Variants in ARFGEF2 observed in about 807,000 individuals in gnomAD.
ARFGEF2 encodes the protein ARF guanine nucleotide exchange factor 2.
A neutral mutation model predicts 219.9 loss-of-function variants in ARFGEF2; 74 were observed. The ratio of observed to expected loss-of-function variants is 0.34; its 90% CI spans 0.28 to 0.41. The LOEUF (loss-of-function observed/expected upper bound fraction) is 0.41. Among genes scored for constraint, ARFGEF2 ranks in the 10% least tolerant of loss-of-function variants. ARFGEF2 has a pLI of 1.00. For synonymous variants in ARFGEF2, 733 were observed against 799.2 expected (o/e 0.92, Z 1.40); for missense variants, 1,743 against 2,218.3 (o/e 0.79, Z 4.30).
chr20:48,980,449 G>A (rs564101912), intron 14 of ARFGEF2, among the ~76,000 whole-genome samples: 1 of 152,344 alleles, frequency 6.6e-6, no homozygotes, highest in East Asian at 1.9e-4. Context: ...TGAGAAGAAT[G>A]TATATTCTGT....
chr20:48,963,302 A>G (rs1044041920), intron 6 of ARFGEF2, among the ~76,000 whole-genome samples: 4 of 152,172 alleles, frequency 2.6e-5, no homozygotes, highest in African/African-American at 9.7e-5. Flanking sequence ...TCTTCTACTT[A>G]AACAGTTAAC....
chr20:48,987,211 AC>A (rs780017262), intron 16 of ARFGEF2, among the ~76,000 whole-genome samples: 1 of 152,214 alleles, frequency 6.6e-6, no homozygotes, highest in Non-Finnish European at 1.5e-5. Flanking sequence ...TCCTATGTGG[AC>A]CTGGGAGCCT....
intron 1 of ARFGEF2, among the ~76,000 whole-genome samples, chr20:48,930,859 G>A (rs900403332): frequency 6.6e-6 from 1 of 152,202 alleles, no homozygotes; most frequent in African/African-American, 2.4e-5. Context: ...GAACCCTCCA[G>A]GCCTTTTCTG....
intron 21 of ARFGEF2, among the ~76,000 whole-genome samples, chr20:48,994,151 CAAGTT>C (rs1039450082): frequency 5.1e-4 from 78 of 152,194 alleles, no homozygotes; most frequent in African/African-American, 1.7e-3. Context: ...CAAGAGATGA[CAAGTT>C]AAAGGAGCAA....
chr20:48,933,327 G>C (rs1459495645), intron 1 of ARFGEF2, among the ~76,000 whole-genome samples: 1 of 152,122 alleles, frequency 6.6e-6, no homozygotes, highest in Non-Finnish European at 1.5e-5. Flanking sequence ...CAGGAGTGCT[G>C]GCCCTCTAAC....
intron 14 of ARFGEF2, among the ~76,000 whole-genome samples, chr20:48,977,556 T>C (rs757344772): frequency 5.9e-5 from 9 of 152,256 alleles, no homozygotes; most frequent in Non-Finnish European, 1.0e-4. Flanking sequence ...CACCACACTG[T>C]CTTCCACAAT....
intron 6 of ARFGEF2, among the ~76,000 whole-genome samples, chr20:48,958,634 G>A (rs1341717378): frequency 6.6e-6 from 1 of 151,758 alleles, no homozygotes; most frequent in Non-Finnish European, 1.5e-5. Flanking sequence ...AGTAGAGATG[G>A]TGTTTCACCG....
chr20:49,026,427 A>G (rs189834991), intron 36 of ARFGEF2, among the ~76,000 whole-genome samples: 143 of 152,290 alleles, frequency 9.4e-4, no homozygotes, highest in Non-Finnish European at 1.6e-3. Flanking sequence ...TCAATTTTCC[A>G]AGCCTTATAT....
intron 25 of ARFGEF2, among the ~76,000 whole-genome samples, chr20:49,003,994 A>G (rs1055119119): frequency 6.6e-6 from 1 of 152,184 alleles, no homozygotes; most frequent in Non-Finnish European, 1.5e-5. Context: ...CCCTTCATAT[A>G]TATATATTTG....
intron 1 of ARFGEF2, among the ~76,000 whole-genome samples, chr20:48,925,105 G>A (rs769999555): frequency 7.2e-4 from 109 of 152,332 alleles, no homozygotes; most frequent in African/African-American, 2.5e-3. Context: ...CTGTGTTGGA[G>A]TATTAACTTC....
At chr20:48,968,936 A>G (rs1305250021) in intron 8 of ARFGEF2, among the ~76,000 whole-genome samples, 2 of 152,284 alleles carry the variant, frequency 1.3e-5, no homozygotes, top group Admixed American at 6.5e-5. Flanking sequence ...CTAATTTTTG[A>G]TAAGAGTTAG....
intron 25 of ARFGEF2, among the ~76,000 whole-genome samples, chr20:49,003,753 A>T (rs2091438807): frequency 6.6e-6 from 1 of 152,158 alleles, no homozygotes; most frequent in East Asian, 1.9e-4. Flanking sequence ...GTTTTTAGAG[A>T]TTCTCCTTGA....
At chr20:48,955,822 C>T (rs1469400752) in intron 6 of ARFGEF2, among the ~76,000 whole-genome samples, 1 of 152,132 alleles carries the variant, frequency 6.6e-6, no homozygotes, top group Non-Finnish European at 1.5e-5. Flanking sequence ...CCTGTATTCC[C>T]AGTTACTTGG....
intron 1 of ARFGEF2, among the ~76,000 whole-genome samples, chr20:48,931,890 A>C (rs1399909980): frequency 6.6e-6 from 1 of 152,180 alleles, no homozygotes; most frequent in East Asian, 1.9e-4. Context: ...CATTTTGAGC[A>C]AAGGAGTGTT....
In ARFGEF2 at chr20:49,014,115, C is replaced by T. The variant is rs1236011374; in HGVS notation, c.4179+155C>T. On this transcript the variant is annotated intron_variant, in intron 30 of 38. Transcript: ENST00000371917. Reference sequence around the variant, plus strand: ...AATGGAAACACCTTTCTGATACTCTCCTACCAGTATCAGCTAGTCCTGAGT... The same window carrying T: ...AATGGAAACACCTTTCTGATACTCTTCTACCAGTATCAGCTAGTCCTGAGT... Among the ~76,000 whole-genome samples the T allele has an allele frequency of 2.0e-5, 3 of 151,994 alleles. No homozygotes were observed. In the East Asian group the frequency reaches 5.8e-4, roughly 29 times the overall value.
intron 25 of ARFGEF2, among the ~76,000 whole-genome samples, chr20:49,003,014 CT>C (rs2091434815): frequency 7.2e-6 from 1 of 139,848 alleles, no homozygotes; most frequent in South Asian, 2.3e-4. Context: ...GTCACCCAGG[CT>C]GGAGTGCAGT....
intron 3 of ARFGEF2, among the ~76,000 whole-genome samples, chr20:48,942,962 A>G (rs1182413453): frequency 2.0e-5 from 3 of 152,174 alleles, no homozygotes; most frequent in African/African-American, 7.2e-5. Context: ...CGGTGCTATA[A>G]CACATGCCTG....
intron 11 of ARFGEF2, 25 bp downstream of exon 11, chr20:48,972,450 C>T: frequency 6.5e-7 from 1 of 1,533,606 alleles, no homozygotes; most frequent in Non-Finnish European, 9.0e-7. Flanking sequence ...GGACACTCAT[C>T]CACTGGACTT....
At position 49,010,651 on chromosome 20, in the gene ARFGEF2, G is replaced by T. The variant is rs185512020; in HGVS notation, c.3757+247G>T. 3.9e-4 allele frequency among the ~76,000 whole-genome samples: 59 copies of T among 152,318 alleles called. 1 individual carries two copies. Among genetic ancestry groups the T allele is most frequent in the Non-Finnish European group, 2.9e-5 (2 of 68,036 alleles). The stretch of plus-strand genomic sequence containing the variant: ...GTCAGTTGGGGTCCAGCAGATAAAC[G>T]TGAATGTTATTTCAAGCCAGATGAA... On this transcript the variant is annotated intron_variant, in intron 27 of 38. Coordinates refer to ENST00000371917, the MANE Select transcript of ARFGEF2 (RefSeq NM_006420.3).
Sources: allele counts gnomAD v4.1 joint callset (sites outside exome capture counted in the v4.1 genomes callset), GRCh38; gene constraint gnomAD v4.1.1; transcripts MANE v1.5; gene names NCBI Gene and HGNC (gene_info 2026-07-23, HGNC 2026-07-21).